Variants in EPHA4 observed in about 807,000 individuals in gnomAD.
The protein encoded by EPHA4 is EPH receptor A4.
EPHA4 carries 19 observed loss-of-function variants against 108.3 expected under a neutral mutation model. The ratio of observed to expected loss-of-function variants is 0.18; its 90% CI spans 0.12 to 0.26. The LOEUF is 0.26. Among genes scored for constraint, EPHA4 ranks in the 10% least tolerant of loss-of-function variants. The pLI, the probability that EPHA4 is intolerant of heterozygous loss-of-function variation, is 1.00. For missense variants in EPHA4, 917 were observed against 1,254.0 expected (o/e 0.73, Z 4.06); for synonymous variants, 449 against 455.5 (o/e 0.99, Z 0.18).
intron 3 of EPHA4, among the ~76,000 whole-genome samples, chr2:221,533,728 A>C (rs1693587481): frequency 3.7e-5 from 1 of 26,976 alleles, no homozygotes; most frequent in African/African-American, 2.9e-4. Context: ...CTAGTGTCAA[A>C]AAAAAAAAAA....
intron 3 of EPHA4, among the ~76,000 whole-genome samples, chr2:221,561,972 CA>C (rs1252661110): frequency 6.6e-6 from 1 of 152,184 alleles, no homozygotes; most frequent in Non-Finnish European, 1.5e-5. Flanking sequence ...AATGTGATGG[CA>C]TGTCATTGCC....
At chr2:221,474,624 C>A (rs1691602962) in intron 5 of EPHA4, among the ~76,000 whole-genome samples, 1 of 152,084 alleles carries the variant, frequency 6.6e-6, no homozygotes, top group Non-Finnish European at 1.5e-5. Context: ...CGATTCCCTA[C>A]TAACAACTGA....
chr2:221,466,067 C>T (rs948786063), intron 5 of EPHA4, among the ~76,000 whole-genome samples: 3 of 152,174 alleles, frequency 2.0e-5, no homozygotes, highest in Non-Finnish European at 2.9e-5. Context: ...ATGCGCTGCC[C>T]TGAGGTCAGC....
chr2:221,456,851 G>A, intron 6 of EPHA4, 79 bp from the exon 7 acceptor site: 1 of 1,486,128 alleles, frequency 6.7e-7, no homozygotes. Flanking sequence ...TATTAAAGGA[G>A]TCAAGCCAGT....
At chr2:221,486,978 A>G (rs989931077) in intron 4 of EPHA4, among the ~76,000 whole-genome samples, 1 of 152,088 alleles carries the variant, frequency 6.6e-6, no homozygotes. Context: ...ATACAGATTC[A>G]TTAGCTTTAT....
chr2:221,551,496 T>G (rs762883325), intron 3 of EPHA4, among the ~76,000 whole-genome samples: 1 of 152,198 alleles, frequency 6.6e-6, no homozygotes, highest in Non-Finnish European at 1.5e-5. Context: ...GATTTTATGG[T>G]TCTCTAGAAG....
At chr2:221,440,271 TA>T (rs1294068892) in intron 11 of EPHA4, among the ~76,000 whole-genome samples, 1 of 152,202 alleles carries the variant, frequency 6.6e-6, no homozygotes, top group Non-Finnish European at 1.5e-5. Context: ...ACAGCTGTAA[TA>T]GCTACGTGTT....
At chr2:221,551,151 A>T (rs180959606) in intron 3 of EPHA4, among the ~76,000 whole-genome samples, 5 of 152,156 alleles carry the variant, frequency 3.3e-5, no homozygotes, top group African/African-American at 1.2e-4. Context: ...AAAAATACAT[A>T]TATGATTGTT....
Position 221,455,622 on chromosome 2 carries a change from G to A in EPHA4, c.1640C>T (p.Thr547Ile), listed in dbSNP as rs1690920013. Residue 547 changes from threonine (T) to isoleucine (I), a missense_variant, in exon 8 of 18, where the codon ACA becomes ATA. Physicochemically the swap from Thr to Ile is moderately conservative, Grantham distance 89. This residue lies in a region of EPHA4 where 758 missense variants were observed against 1,076.7 expected (regional missense o/e 0.70). Transcript: ENST00000281821. Reference sequence around the variant, plus strand: ...GCCCGAGACAGAGACCAGAAGGACTGTGGAGTTAGCCCCATCTCCAATGAT... The same window carrying A: ...GCCCGAGACAGAGACCAGAAGGACTATGGAGTTAGCCCCATCTCCAATGAT... ...SRIIGDGANS[T>I]VLLVSVSGSV... 6.2e-7 allele frequency: 1 copy of A among 1,613,752 alleles called. No homozygotes were observed. Among genetic ancestry groups the A allele is most frequent in the African/African-American group, 1.3e-5 (1 of 74,904 alleles).
rs373751473 is a variant in EPHA4, at chr2:221,544,130, A to AC, written c.823+19600dup. The stretch of plus-strand genomic sequence containing the variant: ...GACCTAAACGCCAACCAAAGGCCCT[A>AC]CTTCCTAATACCATCACCTTGGTGG... On this transcript the variant is annotated intron_variant, in intron 3 of 17. Transcript: ENST00000281821. Among the ~76,000 whole-genome samples the AC allele has an allele frequency of 1.4e-4, 22 of 152,306 alleles. No homozygotes were observed. The East Asian group carries it at 4.3e-3, about 29-fold the overall frequency.
At chr2:221,476,853 A>G (rs1691667048) in intron 5 of EPHA4, among the ~76,000 whole-genome samples, 1 of 152,190 alleles carries the variant, frequency 6.6e-6, no homozygotes, top group Non-Finnish European at 1.5e-5. Context: ...AATAAAAGAC[A>G]GTGTGCCTCT....
At chr2:221,551,446 T>A (rs1218154692) in intron 3 of EPHA4, among the ~76,000 whole-genome samples, 1 of 152,198 alleles carries the variant, frequency 6.6e-6, no homozygotes, top group Admixed American at 6.5e-5. Flanking sequence ...ATAAAAGTTA[T>A]GATTTTCATA....
intron 5 of EPHA4, among the ~76,000 whole-genome samples, chr2:221,460,501 A>G (rs1691105065): frequency 6.6e-6 from 1 of 152,194 alleles, no homozygotes; most frequent in Admixed American, 6.5e-5. Context: ...GCACAATGAC[A>G]CAAGCAATCC....
intron 5 of EPHA4, among the ~76,000 whole-genome samples, chr2:221,461,733 G>T (rs1691150670): frequency 6.6e-6 from 1 of 152,074 alleles, no homozygotes; most frequent in Admixed American, 6.6e-5. Flanking sequence ...TTAACTAAAA[G>T]AACTATTGGG....
chr2:221,481,329 G>A, intron 5 of EPHA4, among the ~76,000 whole-genome samples: 1 of 117,336 alleles, frequency 8.5e-6, no homozygotes, highest in African/African-American at 3.3e-5. Context: ...CCCACCCTCC[G>A]CCCCACCCTC....
At chr2:221,427,164 C>CA (rs1045137281) in intron 15 of EPHA4, among the ~76,000 whole-genome samples, 7 of 152,228 alleles carry the variant, frequency 4.6e-5, no homozygotes, top group Admixed American at 4.6e-4. Flanking sequence ...AAACTTGGGA[C>CA]AGCAGGGAGT....
intron 3 of EPHA4, among the ~76,000 whole-genome samples, chr2:221,515,286 G>T (rs1250236886): frequency 6.6e-6 from 1 of 151,992 alleles, no homozygotes; most frequent in Non-Finnish European, 1.5e-5. Context: ...GTAGAGACGG[G>T]GTTTCTCCAT....
chr2:221,480,565 G>C (rs1487493083), intron 5 of EPHA4, among the ~76,000 whole-genome samples: 1 of 152,122 alleles, frequency 6.6e-6, no homozygotes, highest in African/African-American at 2.4e-5. Context: ...GGCAATCACA[G>C]AGTACTCATG....
rs1459647423 is a variant in EPHA4 at position 221,571,825 on chromosome 2, G to T, written c.91+333C>A. On this transcript the variant is annotated intron_variant, in intron 1 of 17. Transcript: ENST00000281821. This position sits in a 1 kb window ranked among gnomAD's most constrained non-coding sequence, Gnocchi z 6.3. ...TGGCTCAGGAGAGGACGTGGTTCTT[G>T]TAATTTTTTTTTTAAATCCCGGCGT... Among the ~76,000 whole-genome samples, 1 of 152,186 alleles carries T rather than the reference G, an allele frequency of 6.6e-6. No individual in the cohort carries two copies. Among genetic ancestry groups the T allele is most frequent in the African/African-American group, 2.4e-5 (1 of 41,452 alleles).
Sources: gnomAD v4.1 joint callset for allele counts (sites outside exome capture counted in the v4.1 genomes callset) on GRCh38, gnomAD v4.1.1 for gene constraint, gnomAD v4.1.1 regional missense constraint, Gnocchi (gnomAD v3.1) non-coding constraint, MANE v1.5 for transcripts, NCBI Gene and HGNC (gene_info 2026-07-23, HGNC 2026-07-21) for gene names.